The following B3GALNT2 variants were observed in gnomAD, a reference collection of about 807,000 sequenced individuals.
B3GALNT2 encodes the protein UDP-GalNAc:beta-1,3-N-acetylgalactosaminyltransferase 2.
Under a neutral mutation model 61.1 loss-of-function variants are expected in B3GALNT2, and 53 were observed. The ratio of observed to expected loss-of-function variants is 0.87; its 90% CI spans 0.70 to 1.09. The LOEUF (loss-of-function observed/expected upper bound fraction) is 1.09, where lower values mean the gene tolerates loss of function less well. Ranked by LOEUF, B3GALNT2 falls within the 50% of genes least tolerant of loss-of-function variation. B3GALNT2 has a pLI of 0.00. For missense variants in B3GALNT2, 544 were observed against 623.0 expected (o/e 0.87, Z 1.35); for synonymous variants, 223 against 237.4 (o/e 0.94, Z 0.56).
At chr1:235,456,531 G>A (rs1683179240) in intron 8 of B3GALNT2, among the ~76,000 whole-genome samples, 1 of 152,146 alleles carries the variant, frequency 6.6e-6, no homozygotes, top group Admixed American at 6.5e-5. Context: ...CATAATATTT[G>A]CTAATTAGAA....
At chr1:235,476,182 C>T (rs928734757) in intron 5 of B3GALNT2, among the ~76,000 whole-genome samples, 4 of 150,020 alleles carry the variant, frequency 2.7e-5, no homozygotes, top group Non-Finnish European at 4.5e-5. Context: ...CCAAGGCAGG[C>T]GGGCGGATCA....
chr1:235,488,156 G>A (rs1384173116), intron 3 of B3GALNT2, among the ~76,000 whole-genome samples: 1 of 152,096 alleles, frequency 6.6e-6, no homozygotes, highest in East Asian at 1.9e-4. Flanking sequence ...AAATAAATTA[G>A]ACAATAATTC....
chr1:235,459,146 G>GA lies in B3GALNT2; in HGVS notation c.842-361dup, dbSNP rs558151374. Among the ~76,000 whole-genome samples, 1,084 of 132,920 alleles carry GA rather than the reference G, an allele frequency of 8.2e-3. 1 individual carries two copies. The highest frequency in any genetic ancestry group is 0.016 in the Middle Eastern group (4 of 252). 87.2% of individuals were successfully genotyped at this position (132,920 alleles called of 152,430 possible). A position where few individuals can be genotyped will look rare whatever the true frequency, so the allele number is the denominator to read the frequency against. Reference sequence around the variant, plus strand: ...GGACCAACCTAAATGTCCACTGAGAGAAAAAAAAAAAACAGCCAAGTTGTG... The same window carrying GA: ...GGACCAACCTAAATGTCCACTGAGAGAAAAAAAAAAAAACAGCCAAGTTGTG... On this transcript the variant is annotated intron_variant, in intron 7 of 11. Coordinates refer to ENST00000366600, the MANE Select transcript of B3GALNT2 (RefSeq NM_152490.5).
downstream of B3GALNT2, chr1:235,442,979 T>G: frequency 6.7e-7 from 1 of 1,493,790 alleles, no homozygotes; most frequent in African/African-American, 1.4e-5. Context: ...TCAGCTAAAA[T>G]TAAAACCTTT....
chr1:235,489,092 C>T, intron 3 of B3GALNT2, 76 bp downstream of exon 3: 1 of 1,516,944 alleles, frequency 6.6e-7, no homozygotes, highest in South Asian at 1.4e-5. Flanking sequence ...TAAAAACAGA[C>T]TCCATACTAT....
intron 7 of B3GALNT2, among the ~76,000 whole-genome samples, chr1:235,461,986 T>G (rs1425759593): frequency 6.6e-6 from 1 of 152,236 alleles, no homozygotes; most frequent in Non-Finnish European, 1.5e-5. Context: ...GTTAGATTAT[T>G]TTGCCCAACT....
chr1:235,495,721 T>C (rs1320990739), intron 1 of B3GALNT2, among the ~76,000 whole-genome samples: 2 of 152,172 alleles, frequency 1.3e-5, no homozygotes, highest in Non-Finnish European at 2.9e-5. Context: ...CAAGCTTATA[T>C]ATAGCTCTGA....
chr1:235,474,309 G>A (rs1401773054), intron 5 of B3GALNT2, among the ~76,000 whole-genome samples: 3 of 152,154 alleles, frequency 2.0e-5, no homozygotes, highest in African/African-American at 7.2e-5. Flanking sequence ...CATGATACAG[G>A]TTGGAAAAAT....
At chr1:235,503,384 G>T (rs915541717) in intron 1 of B3GALNT2, among the ~76,000 whole-genome samples, 3 of 152,226 alleles carry the variant, frequency 2.0e-5, no homozygotes, top group Admixed American at 6.5e-5. Context: ...GCTGGGCACC[G>T]TAAGTAAAGC....
chr1:235,465,394 G>T (rs868158210), intron 7 of B3GALNT2: 6 of 441,386 alleles, frequency 1.4e-5, no homozygotes, highest in African/African-American at 2.0e-5. Flanking sequence ...GTTAGGGGGT[G>T]GGGGGTTGGG....
rs1682549424 is a variant in B3GALNT2, at chr1:235,448,075, G to A, written c.*2131C>T. On this transcript the variant is annotated 3_prime_UTR_variant, in exon 12 of 12. Transcript: ENST00000366600. ...AATACAAAAGTTAGCTGGGTGTGGT[G>A]ATGGGCACCAGCTACTCAGGAGGCT... 6.6e-6 allele frequency among the ~76,000 whole-genome samples: 1 copy of A among 152,058 alleles called. No homozygotes were observed. Among genetic ancestry groups the A allele is most frequent in the Non-Finnish European group, 1.5e-5 (1 of 67,990 alleles).
intron 8 of B3GALNT2, among the ~76,000 whole-genome samples, chr1:235,457,038 TGGCTCACG>T (rs955920849): frequency 6.6e-6 from 1 of 152,180 alleles, no homozygotes; most frequent in Non-Finnish European, 1.5e-5. Context: ...CCAGGTGTGG[TGGCTCACG>T]CCTATAATCC....
At chr1:235,443,881 ACTTAC>A (rs1371107029), downstream of B3GALNT2, among the ~76,000 whole-genome samples, 3 of 152,338 alleles carry the variant, frequency 2.0e-5, no homozygotes, top group South Asian at 4.1e-4. Flanking sequence ...GATCAACATA[ACTTAC>A]CTTAAACTTT....
At chr1:235,491,544 TC>T (rs1685068124) in intron 2 of B3GALNT2, among the ~76,000 whole-genome samples, 1 of 152,204 alleles carries the variant, frequency 6.6e-6, no homozygotes, top group African/African-American at 2.4e-5. Context: ...TGAGCTTCTT[TC>T]CCATGAAACC....
At position 235,504,226 on chromosome 1, in the gene B3GALNT2, G is replaced by T. The variant is rs1685730083; in HGVS notation, c.27C>A (p.Cys9Ter). Residue 9 changes from cysteine (C) to a stop codon, truncating the protein, a stop_gained, in exon 1 of 12, where the codon TGC becomes TGA. Transcript: ENST00000366600. LOFTEE classifies it high-confidence loss of function. ...GCAGCGCGGCCCCGAGCACACACGG[G>T]CACAGCAGCACCAGCCAGTTTCGCA... The part of the protein sequence containing the change: MRNWLVLL[C>*]PCVLGAALHL... The T allele has an allele frequency of 6.8e-7, 1 of 1,478,038 alleles. No homozygotes were observed. Among genetic ancestry groups the T allele is most frequent in the Non-Finnish European group, 8.9e-7 (1 of 1,121,316 alleles). 91.6% of individuals were successfully genotyped at this position (1,478,038 alleles called of 1,614,324 possible). A position where few individuals can be genotyped will look rare whatever the true frequency, so the allele number is the denominator to read the frequency against.
intron 2 of B3GALNT2, among the ~76,000 whole-genome samples, chr1:235,493,961 T>C (rs1011191222): frequency 2.6e-5 from 4 of 152,108 alleles, no homozygotes; most frequent in Non-Finnish European, 4.4e-5. Flanking sequence ...GTTGATCTCA[T>C]TGAGAACAGA....
intron 2 of B3GALNT2, among the ~76,000 whole-genome samples, chr1:235,490,965 A>C (rs1025095102): frequency 3.3e-5 from 5 of 152,078 alleles, no homozygotes; most frequent in Admixed American, 3.3e-4. Flanking sequence ...AATACAAATA[A>C]GGGTTTGGTT....
intron 6 of B3GALNT2, among the ~76,000 whole-genome samples, chr1:235,466,250 TAA>T (rs1429503448): frequency 1.4e-5 from 2 of 144,812 alleles, no homozygotes; most frequent in African/African-American, 5.2e-5. Flanking sequence ...TTTTTTCAAA[TAA>T]GAGACAGTGT....
downstream of B3GALNT2, among the ~76,000 whole-genome samples, chr1:235,444,012 T>C (rs1682074757): frequency 6.6e-6 from 1 of 152,250 alleles, no homozygotes; most frequent in Non-Finnish European, 1.5e-5. Context: ...TTTAGAGCAG[T>C]GAGGATTTAA....
Sources: gnomAD v4.1 joint callset for allele counts (sites outside exome capture counted in the v4.1 genomes callset) on GRCh38, gnomAD v4.1.1 for gene constraint, MANE v1.5 for transcripts, NCBI Gene and HGNC (gene_info 2026-07-23, HGNC 2026-07-21) for gene names.